Variants in PRKCQ observed in about 807,000 individuals in gnomAD.
PRKCQ encodes protein kinase C theta type.
PRKCQ carries 41 observed loss-of-function variants against 91.2 expected under a neutral mutation model. The ratio of observed to expected loss-of-function variants is 0.45; its 90% CI spans 0.35 to 0.58. PRKCQ has a LOEUF of 0.58. Ranked by LOEUF, PRKCQ falls within the 20% of genes least tolerant of loss-of-function variation. The pLI, the probability that PRKCQ is intolerant of heterozygous loss-of-function variation, is 0.00. For missense variants in PRKCQ, 673 were observed against 896.5 expected, an observed-to-expected ratio of 0.75 and a Z score of 3.18; for synonymous variants, 307 against 316.9, an observed-to-expected ratio of 0.97 and a Z score of 0.33.
At chr10:6,468,567 G>A (rs564968965) in intron 12 of PRKCQ, among the ~76,000 whole-genome samples, 14 of 152,276 alleles carry the variant, frequency 9.2e-5, no homozygotes, top group African/African-American at 3.4e-4. Flanking sequence ...AATAAGATCA[G>A]ATTTGTAGAC....
intron 4 of PRKCQ, among the ~76,000 whole-genome samples, chr10:6,499,882 G>C (rs1837809646): frequency 6.6e-6 from 1 of 152,170 alleles, no homozygotes; most frequent in Non-Finnish European, 1.5e-5. Context: ...GAGCTGTGTG[G>C]GTAGAAACCT....
the PRKCQ span, among the ~76,000 whole-genome samples, chr10:6,409,936 T>G: frequency 6.6e-6 from 1 of 152,212 alleles, no homozygotes; most frequent in East Asian, 1.9e-4. Flanking sequence ...TGGTGAAATG[T>G]GTTAAAAAGC....
intron 1 of PRKCQ, among the ~76,000 whole-genome samples, chr10:6,555,791 C>T (rs1840386680): frequency 6.6e-6 from 1 of 152,138 alleles, no homozygotes; most frequent in Non-Finnish European, 1.5e-5. Flanking sequence ...GGGCAGATCA[C>T]TTGAGATCAG....
chr10:6,564,265 C>T (rs116307130), intron 1 of PRKCQ, among the ~76,000 whole-genome samples: 129 of 152,186 alleles, frequency 8.5e-4, no homozygotes, highest in African/African-American at 2.8e-3. Flanking sequence ...GTGTGAAGAG[C>T]GAGACTAGAG....
At chr10:6,530,072 C>T (rs1839336892) in intron 1 of PRKCQ, among the ~76,000 whole-genome samples, 1 of 152,198 alleles carries the variant, frequency 6.6e-6, no homozygotes, top group Admixed American at 6.5e-5. Flanking sequence ...TATCTGCCTA[C>T]TATATTGCAA....
At chr10:6,539,850 C>A (rs551191438) in intron 1 of PRKCQ, among the ~76,000 whole-genome samples, 2 of 152,274 alleles carry the variant, frequency 1.3e-5, no homozygotes, top group East Asian at 3.9e-4. Flanking sequence ...TTTAGCAGTG[C>A]CCCTGCTTCT....
intron 12 of PRKCQ, among the ~76,000 whole-genome samples, chr10:6,476,180 A>G (rs1412508377): frequency 6.6e-6 from 1 of 152,220 alleles, no homozygotes; most frequent in African/African-American, 2.4e-5. Context: ...GAGATCTCTC[A>G]TAAGAGGGAC....
intron 1 of PRKCQ, among the ~76,000 whole-genome samples, chr10:6,541,418 T>C (rs1737787232): frequency 1.3e-5 from 2 of 152,224 alleles, no homozygotes; most frequent in South Asian, 2.1e-4. Context: ...GAAATGCTGA[T>C]GACTAGGGCA....
chr10:6,504,609 G>T (rs1838088786), intron 4 of PRKCQ, among the ~76,000 whole-genome samples: 1 of 152,182 alleles, frequency 6.6e-6, no homozygotes, highest in Non-Finnish European at 1.5e-5. Context: ...GTGTGGTTTA[G>T]GTTATAATTT....
rs1588356035 is a variant in PRKCQ at position 6,509,316 on chromosome 10, A to G, written c.318+1679T>C. Among the ~76,000 whole-genome samples the G allele has an allele frequency of 2.0e-5, 3 of 152,018 alleles. No individual in the cohort carries two copies. In the East Asian group the frequency reaches 5.8e-4, roughly 29 times the overall value. ...AAGACTACTTAACAAAAAGATACTC[A>G]CCCTCCGACTTATCCTTTCATTAAT... On this transcript the variant is annotated intron_variant, in intron 3 of 17. Transcript: ENST00000263125.
the PRKCQ span, among the ~76,000 whole-genome samples, chr10:6,412,433 A>T: frequency 2.6e-5 from 4 of 152,342 alleles, no homozygotes; most frequent in South Asian, 8.3e-4. Context: ...TTTTAATAGC[A>T]CATGTGTAAG....
chr10:6,557,491 A>T, intron 1 of PRKCQ, among the ~76,000 whole-genome samples: 1 of 151,066 alleles, frequency 6.6e-6, no homozygotes. Context: ...CTCTCAGCTC[A>T]CTCTTCAGCT....
At chr10:6,506,665 C>T (rs936666844) in intron 4 of PRKCQ, among the ~76,000 whole-genome samples, 7 of 151,956 alleles carry the variant, frequency 4.6e-5, no homozygotes, top group Non-Finnish European at 8.8e-5. Context: ...AATTTAGACA[C>T]GGAGGAATTA....
chr10:6,460,940 CCATCCATCCAT>C (rs1835297119), intron 14 of PRKCQ, among the ~76,000 whole-genome samples: 1 of 151,514 alleles, frequency 6.6e-6, no homozygotes, highest in Non-Finnish European at 1.5e-5. Flanking sequence ...CATCCGTTGT[CCATCCATCCAT>C]CATCCATACA....
In PRKCQ at chr10:6,548,292, C is replaced by A. The variant is rs546022636; in HGVS notation, c.-10+31919G>T. ...ACTTTTACACTGTTGGTGGGACTGT[C>A]AACTAGTTCAACCATTGTGGAAGTC... is the stretch of plus-strand genomic sequence containing the variant. On this transcript the variant is annotated intron_variant, in intron 1 of 17. Coordinates refer to ENST00000263125, the MANE Select transcript of PRKCQ (RefSeq NM_006257.5). 7.4e-3 allele frequency among the ~76,000 whole-genome samples: 1,122 copies of A among 151,572 alleles called. 14 individuals carry two copies. Among genetic ancestry groups the A allele is most frequent in the African/African-American group, 0.025 (1,032 of 41,136 alleles).
At chr10:6,473,013 G>A (rs890350636) in intron 12 of PRKCQ, among the ~76,000 whole-genome samples, 1 of 152,080 alleles carries the variant, frequency 6.6e-6, no homozygotes, top group African/African-American at 2.4e-5. Context: ...GTGCCTGGCC[G>A]CCTCCTGCCT....
chr10:6,477,241 C>T (rs1025921553), intron 12 of PRKCQ, among the ~76,000 whole-genome samples: 2 of 152,172 alleles, frequency 1.3e-5, no homozygotes, highest in African/African-American at 4.8e-5. Flanking sequence ...GAAATGCAGC[C>T]TTGACTCTTA....
At chr10:6,549,631 T>C (rs1304352411) in intron 1 of PRKCQ, among the ~76,000 whole-genome samples, 1 of 149,056 alleles carries the variant, frequency 6.7e-6, no homozygotes, top group Non-Finnish European at 1.5e-5. Context: ...CATCTTTTTT[T>C]TTTTTTTTTT....
chr10:6,504,435 G>T (rs1161259297), intron 4 of PRKCQ, among the ~76,000 whole-genome samples: 2 of 152,148 alleles, frequency 1.3e-5, no homozygotes, highest in Non-Finnish European at 2.9e-5. Context: ...TCTCCCCACA[G>T]CCCTCACACA....
Sources: gnomAD v4.1 joint callset for allele counts (sites outside exome capture counted in the v4.1 genomes callset) on GRCh38, gnomAD v4.1.1 for gene constraint, MANE v1.5 for transcripts, NCBI Gene and HGNC (gene_info 2026-07-23, HGNC 2026-07-21) for gene names.